The following CHODL variants were observed in gnomAD, a reference collection of about 807,000 sequenced individuals.
CHODL encodes transmembrane protein MT75.
CHODL carries 29 observed loss-of-function variants against 34.5 expected under a neutral mutation model. The observed-to-expected ratio is 0.84, with a 90% confidence interval of 0.63 to 1.15. The LOEUF (loss-of-function observed/expected upper bound fraction) is 1.15, where lower values mean the gene tolerates loss of function less well. CHODL is among the 50% of genes most tolerant of loss of function. The probability of loss-of-function intolerance (pLI) is 0.00; values close to 1 mark genes in which losing one functional copy is unlikely to be tolerated. For missense variants in CHODL, 332 were observed against 332.5 expected, an observed-to-expected ratio of 1.00 and a Z score of 0.01; for synonymous variants, 125 against 116.1, an observed-to-expected ratio of 1.08 and a Z score of -0.49.
Position 18,040,301 on chromosome 21 carries a change from A to G in CHODL, c.-45+12330A>G, listed in dbSNP as rs1027709500. Among the ~76,000 whole-genome samples the G allele has an allele frequency of 7.2e-5, 11 of 151,850 alleles. 1 individual carries two copies. Among genetic ancestry groups the G allele is most frequent in the Admixed American group, 5.9e-4 (9 of 15,222 alleles). On this transcript the variant is annotated intron_variant, in intron 2 of 6. Transcript: ENST00000400127. ...CACAGCTCTTATCCCTTCACTCTGT[A>G]TTATCTTTACAAAAGAGAAGGAGAC... is the stretch of plus-strand genomic sequence containing the variant.
At chr21:18,203,467 A>C (rs866812601) in intron 2 of CHODL, among the ~76,000 whole-genome samples, 3 of 152,212 alleles carry the variant, frequency 2.0e-5, no homozygotes, top group Non-Finnish European at 4.4e-5. Flanking sequence ...CCATCAAAAC[A>C]TTATTAATTT....
chr21:18,213,175 C>T (rs185812283), intron 2 of CHODL, among the ~76,000 whole-genome samples: 2 of 152,090 alleles, frequency 1.3e-5, no homozygotes, highest in African/African-American at 4.8e-5. Flanking sequence ...TTGAGACACT[C>T]TTATAATTTA....
chr21:18,105,608 G>A (rs1239568137), intron 2 of CHODL, among the ~76,000 whole-genome samples: 1 of 152,092 alleles, frequency 6.6e-6, no homozygotes, highest in Non-Finnish European at 1.5e-5. Flanking sequence ...TACCCTAGAA[G>A]GTTTGAAAAC....
intron 2 of CHODL, chr21:18,114,982 C>A (rs1401301867): frequency 6.6e-6 from 1 of 152,248 alleles, no homozygotes; most frequent in South Asian, 2.1e-4. Context: ...CCAGACTTAA[C>A]CCAGCCTAAA....
intron 2 of CHODL, among the ~76,000 whole-genome samples, chr21:18,157,782 T>TATAC (rs1229990057): frequency 6.6e-6 from 1 of 152,234 alleles, no homozygotes; most frequent in Non-Finnish European, 1.5e-5. Flanking sequence ...TGGGATAGAT[T>TATAC]ATACAACTCT....
At chr21:18,046,477 C>T (rs1456302431) in intron 2 of CHODL, among the ~76,000 whole-genome samples, 1 of 151,812 alleles carries the variant, frequency 6.6e-6, no homozygotes, top group Non-Finnish European at 1.5e-5. Context: ...AATGACAGGA[C>T]CTGGCGAGAT....
chr21:18,192,468 A>G (rs185906539), intron 2 of CHODL, among the ~76,000 whole-genome samples: 55 of 152,348 alleles, frequency 3.6e-4, no homozygotes, highest in Non-Finnish European at 6.5e-4. Context: ...CAAAATAAAC[A>G]TAAGTTTCGC....
chr21:18,126,891 C>T (rs1162595511), intron 2 of CHODL, among the ~76,000 whole-genome samples: 2 of 152,180 alleles, frequency 1.3e-5, no homozygotes, highest in Non-Finnish European at 2.9e-5. Context: ...GATTAAGGAA[C>T]TCTCACCAGA....
intron 2 of CHODL, among the ~76,000 whole-genome samples, chr21:18,083,865 G>A (rs1202904084): frequency 1.3e-5 from 2 of 152,160 alleles, no homozygotes; most frequent in Non-Finnish European, 2.9e-5. Flanking sequence ...CCTTGCCTCA[G>A]GTTAGACTTT....
intron 1 of CHODL, among the ~76,000 whole-genome samples, chr21:18,009,128 A>G (rs1024541658): frequency 2.0e-5 from 3 of 152,222 alleles, no homozygotes; most frequent in African/African-American, 4.8e-5. Context: ...GTCATAGACA[A>G]TTGAGTCCAA....
chr21:18,091,324 C>T (rs1000736174), intron 2 of CHODL, among the ~76,000 whole-genome samples: 11 of 152,306 alleles, frequency 7.2e-5, no homozygotes. Flanking sequence ...CAGTGCTAGG[C>T]TGGGCTTAGA....
rs972845321 is a variant in CHODL, at chr21:18,253,135, A to G, written c.80-3374A>G. ...ATCTTAATTTTATGAGTTAATTTAC[A>G]TCACCATTTCTGTATGCTCATCATG... On this transcript the variant is annotated intron_variant, in intron 1 of 5. Coordinates refer to ENST00000299295, the MANE Select transcript of CHODL (RefSeq NM_024944.3). Among the ~76,000 whole-genome samples the G allele has an allele frequency of 5.3e-5, 8 of 152,260 alleles. No individual in the cohort carries two copies. The East Asian group carries it at 1.5e-3, about 29-fold the overall frequency.
Position 18,228,725 on chromosome 21 carries a change from CT to C in CHODL, c.-44-27783del, listed in dbSNP as rs1158434545. Among the ~76,000 whole-genome samples, 3 of 152,224 alleles carry C rather than the reference CT, an allele frequency of 2.0e-5. No homozygotes were observed. In the East Asian group the frequency reaches 5.8e-4, roughly 29 times the overall value. ...GATTGATTGATTTATCAACAATTTT[CT>C]CTTCTTAGTTTTGATTAGTGATATT... On this transcript the variant is annotated intron_variant, in intron 2 of 6. Coordinates refer to the CHODL transcript ENST00000400127.
chr21:18,215,447 G>T (rs2824706), intron 2 of CHODL, among the ~76,000 whole-genome samples: 1 of 151,918 alleles, frequency 6.6e-6, no homozygotes, highest in African/African-American at 2.4e-5. Context: ...AAAGAGGCAT[G>T]GTCTTGACGA....
intron 2 of CHODL, among the ~76,000 whole-genome samples, chr21:18,188,930 G>C (rs1052126179): frequency 2.6e-5 from 4 of 152,218 alleles, no homozygotes. Flanking sequence ...GACCAATAAC[G>C]AGGGTGATGC....
At chr21:18,174,208 A>G (rs1276779537) in intron 2 of CHODL, among the ~76,000 whole-genome samples, 1 of 129,114 alleles carries the variant, frequency 7.7e-6, no homozygotes, top group East Asian at 2.1e-4. Flanking sequence ...TTTCATTTAC[A>G]TTATCAAAGG....
At chr21:18,081,050 A>G (rs1344557347) in intron 2 of CHODL, among the ~76,000 whole-genome samples, 1 of 152,064 alleles carries the variant, frequency 6.6e-6, no homozygotes, top group Non-Finnish European at 1.5e-5. Context: ...GAGATACTTT[A>G]CCTCCTTTGT....
At chr21:17,921,356 T>C (rs2063182137) in intron 1 of CHODL, among the ~76,000 whole-genome samples, 1 of 152,196 alleles carries the variant, frequency 6.6e-6, no homozygotes, top group Non-Finnish European at 1.5e-5. Context: ...GTTAATGCCA[T>C]TCAGAAACAT....
chr21:18,004,390 T>G (rs573000400), intron 1 of CHODL, among the ~76,000 whole-genome samples: 1 of 152,326 alleles, frequency 6.6e-6, no homozygotes, highest in African/African-American at 2.4e-5. Flanking sequence ...ACATTAAATC[T>G]TTCTCAAGGA....
Sources: allele counts gnomAD v4.1 joint callset (sites outside exome capture counted in the v4.1 genomes callset), GRCh38; gene constraint gnomAD v4.1.1; transcripts MANE v1.5; gene names NCBI Gene and HGNC (gene_info 2026-07-23, HGNC 2026-07-21).